CCDC60: variants seen among roughly 807,000 people sequenced by gnomAD.
CCDC60 encodes coiled-coil domain containing 60.
Under a neutral mutation model 63.5 loss-of-function variants are expected in CCDC60, and 54 were observed. That is an observed-to-expected ratio of 0.85 (90% CI 0.68 to 1.07). The LOEUF is 1.07. CCDC60 is among the 50% of genes least tolerant of loss of function. The pLI is 0.00. For synonymous variants in CCDC60, 206 were observed against 238.8 expected, an observed-to-expected ratio of 0.86 and a Z score of 1.27; for missense variants, 651 against 684.3, an observed-to-expected ratio of 0.95 and a Z score of 0.54.
chr12:119,344,711 C>T (rs1955568868), intron 1 of CCDC60, among the ~76,000 whole-genome samples: 1 of 152,176 alleles, frequency 6.6e-6, no homozygotes, highest in Non-Finnish European at 1.5e-5. Flanking sequence ...CATGATCTGG[C>T]CCATGGCAGG....
chr12:119,368,674 G>A (rs937635623), intron 1 of CCDC60, among the ~76,000 whole-genome samples: 18 of 152,148 alleles, frequency 1.2e-4, no homozygotes, highest in African/African-American at 4.1e-4. Flanking sequence ...ATGCCCTTTT[G>A]CCCTCAGCAC....
intron 1 of CCDC60, among the ~76,000 whole-genome samples, chr12:119,347,147 C>T (rs1955605773): frequency 6.6e-6 from 1 of 151,968 alleles, no homozygotes; most frequent in African/African-American, 2.4e-5. Flanking sequence ...AAATAATGTT[C>T]ATTTCAATGA....
chr12:119,518,375 T>C (rs899996702), intron 8 of CCDC60, among the ~76,000 whole-genome samples: 3 of 152,096 alleles, frequency 2.0e-5, no homozygotes, highest in African/African-American at 7.2e-5. Context: ...TGTTTTCTCA[T>C]CTGTAAAATG....
chr12:119,403,443 T>C (rs1181781226), intron 1 of CCDC60, among the ~76,000 whole-genome samples: 1 of 152,132 alleles, frequency 6.6e-6, no homozygotes, highest in Non-Finnish European at 1.5e-5. Context: ...TCTAGGAGCA[T>C]AACGTCGAGC....
rs11064795 is a variant in CCDC60 at position 119,429,256 on chromosome 12, G to C, written c.170+494G>C. Among the ~76,000 whole-genome samples the C allele has an allele frequency of 9.1e-3, 1,385 of 152,238 alleles. 41 individuals carry two copies. The East Asian group carries it at 0.093, about 10-fold the overall frequency. ...AAAGCAGATAAAGTGTCCCTCATAT[G>C]GCCTTGAATACAGGGCTGTTCCTAT... is the stretch of plus-strand genomic sequence containing the variant. On this transcript the variant is annotated intron_variant, in intron 2 of 13. Transcript: ENST00000327554.
intron 11 of CCDC60, among the ~76,000 whole-genome samples, chr12:119,526,603 T>C (rs1246564477): frequency 6.6e-6 from 1 of 152,186 alleles, no homozygotes; most frequent in Non-Finnish European, 1.5e-5. Flanking sequence ...GCAAAGGACA[T>C]GAACAGACAC....
At chr12:119,437,275 A>G (rs1193196894) in intron 2 of CCDC60, among the ~76,000 whole-genome samples, 1 of 152,180 alleles carries the variant, frequency 6.6e-6, no homozygotes, top group African/African-American at 2.4e-5. Flanking sequence ...GTTCGATGAC[A>G]GTCATGTGGC....
In CCDC60 at chr12:119,456,001, G is replaced by GAA. The variant is rs747663726; in HGVS notation, c.171-15992_171-15991insAA. Among the ~76,000 whole-genome samples the GAA allele has an allele frequency of 4.9e-3, 249 of 51,084 alleles. 13 individuals are homozygous for GAA. Among genetic ancestry groups the GAA allele is most frequent in the African/African-American group, 0.017 (175 of 10,252 alleles). 33.5% of individuals were successfully genotyped at this position (51,084 alleles called of 152,430 possible). A position where few individuals can be genotyped will look rare whatever the true frequency, so the allele number is the denominator to read the frequency against. ...AGGGAGAGAGAAAGAGAGAGAGAAA[G>GAA]AGAAAGAAAGAAAGAAAGAAAGAAA... On this transcript the variant is annotated intron_variant, in intron 2 of 13. Coordinates refer to ENST00000327554, the MANE Select transcript of CCDC60 (RefSeq NM_178499.5). This position sits in a 1 kb window ranked among gnomAD's most constrained non-coding sequence, Gnocchi z 4.6.
At chr12:119,378,602 A>T (rs61938066) in intron 1 of CCDC60, among the ~76,000 whole-genome samples, 12,676 of 152,208 alleles carry the variant, frequency 0.083, 697 homozygotes, top group Non-Finnish European at 0.12. Flanking sequence ...CTGGTCATAG[A>T]GCTAATAAGC....
intron 1 of CCDC60, among the ~76,000 whole-genome samples, chr12:119,373,627 T>C (rs1955920186): frequency 8.0e-6 from 1 of 125,770 alleles, no homozygotes; most frequent in Admixed American, 9.7e-5. Context: ...ACCAAAAATC[T>C]GTGCAAACTT....
chr12:119,445,473 C>G (rs1338463701), intron 2 of CCDC60, among the ~76,000 whole-genome samples: 1 of 112,018 alleles, frequency 8.9e-6, no homozygotes, highest in African/African-American at 3.5e-5. Flanking sequence ...CTCTGAGAAG[C>G]ATTTTTCTGC....
chr12:119,409,188 A>G (rs1956548698), intron 1 of CCDC60, among the ~76,000 whole-genome samples: 1 of 152,180 alleles, frequency 6.6e-6, no homozygotes. Flanking sequence ...GATCCTGATC[A>G]TCGCCAACCT....
chr12:119,526,790 G>C (rs1192982577), intron 11 of CCDC60, among the ~76,000 whole-genome samples: 2 of 152,184 alleles, frequency 1.3e-5, no homozygotes, highest in Non-Finnish European at 2.9e-5. Flanking sequence ...TGGAGAAAAA[G>C]GAATCCTTAT....
chr12:119,532,615 C>T (rs1019786048), intron 13 of CCDC60, among the ~76,000 whole-genome samples: 6 of 151,928 alleles, frequency 3.9e-5, no homozygotes, highest in Non-Finnish European at 7.4e-5. Flanking sequence ...GTTTCCCTTC[C>T]TGTGTCCATG....
intron 4 of CCDC60, among the ~76,000 whole-genome samples, chr12:119,480,803 TCACCATCATCCTCACCACCATCATCAC>T (rs1951293310): frequency 2.8e-5 from 4 of 142,702 alleles, no homozygotes; most frequent in African/African-American, 5.4e-5. Context: ...ACCACCATCG[TCACCATCATCCTCACCACCATCATCAC>T]CACCATCATC....
chr12:119,482,002 A>G lies in CCDC60; in HGVS notation c.449+2801A>G, dbSNP rs1227840382. On this transcript the variant is annotated intron_variant, in intron 4 of 13. Transcript: ENST00000327554. ...TATATATATGTATATATATATGTAT[A>G]TATAGTATATATATATGTATATATG... Among the ~76,000 whole-genome samples, 4 of 76,234 alleles carry G rather than the reference A, an allele frequency of 5.2e-5. No homozygotes were observed. The East Asian group carries it at 2.6e-3, about 49-fold the overall frequency. 50.0% of individuals were successfully genotyped at this position (76,234 alleles called of 152,430 possible).
intron 1 of CCDC60, among the ~76,000 whole-genome samples, chr12:119,392,752 A>T (rs549619550): frequency 6.6e-6 from 1 of 152,314 alleles, no homozygotes; most frequent in African/African-American, 2.4e-5. Flanking sequence ...TATGAACCAC[A>T]TGTTTGTACA....
intron 1 of CCDC60, among the ~76,000 whole-genome samples, chr12:119,426,119 C>T (rs892374137): frequency 1.3e-5 from 2 of 152,146 alleles, no homozygotes; most frequent in Admixed American, 6.5e-5. Flanking sequence ...TCAAGATGAA[C>T]ACTGATGGGT....
chr12:119,399,020 T>G (rs1223263637), intron 1 of CCDC60, among the ~76,000 whole-genome samples: 2 of 152,008 alleles, frequency 1.3e-5, no homozygotes, highest in African/African-American at 4.8e-5. Flanking sequence ...TTGCCCAGAG[T>G]CACACAGTGA....
Sources: gnomAD v4.1 joint callset for allele counts (sites outside exome capture counted in the v4.1 genomes callset) on GRCh38, gnomAD v4.1.1 for gene constraint, Gnocchi (gnomAD v3.1) non-coding constraint, MANE v1.5 for transcripts, NCBI Gene and HGNC (gene_info 2026-07-23, HGNC 2026-07-21) for gene names.